The following PRKCE variants were observed in gnomAD, a reference collection of about 807,000 sequenced individuals.
PRKCE encodes protein kinase C epsilon type.
A neutral mutation model predicts 85.4 loss-of-function variants in PRKCE; 16 were observed. The ratio of observed to expected loss-of-function variants is 0.19; its 90% CI spans 0.13 to 0.28. PRKCE has a LOEUF of 0.28. PRKCE is among the 10% of genes least tolerant of loss of function. The probability of loss-of-function intolerance (pLI) is 1.00; values close to 1 mark genes in which losing one functional copy is unlikely to be tolerated. For synonymous variants in PRKCE, 388 were observed against 371.5 expected (o/e 1.04, Z -0.51); for missense variants, 573 against 975.2 (o/e 0.59, Z 5.49).
intron 11 of PRKCE, among the ~76,000 whole-genome samples, chr2:46,114,191 G>A (rs1255777216): frequency 2.0e-5 from 3 of 152,082 alleles, no homozygotes; most frequent in African/African-American, 7.2e-5. Flanking sequence ...TATGTCGAGA[G>A]GCACAGAACT....
At chr2:46,131,868 GTT>G in intron 11 of PRKCE, among the ~76,000 whole-genome samples, 1 of 152,150 alleles carries the variant, frequency 6.6e-6, no homozygotes, top group Non-Finnish European at 1.5e-5. Context: ...CAGGTTTGAG[GTT>G]TACAGTTACT....
intron 11 of PRKCE, among the ~76,000 whole-genome samples, chr2:46,109,132 G>A (rs1296408214): frequency 6.6e-6 from 1 of 152,036 alleles, no homozygotes; most frequent in African/African-American, 2.4e-5. Context: ...GTTAATGTGA[G>A]TCCCCCAACT....
At chr2:45,816,858 G>A (rs904985030) in intron 1 of PRKCE, among the ~76,000 whole-genome samples, 1 of 152,142 alleles carries the variant, frequency 6.6e-6, no homozygotes, top group African/African-American at 2.4e-5. Flanking sequence ...AAGGGGATCG[G>A]CTTAATTCCT....
chr2:45,912,420 C>T (rs867380549), intron 2 of PRKCE, among the ~76,000 whole-genome samples: 8 of 152,118 alleles, frequency 5.3e-5, no homozygotes, highest in South Asian at 2.1e-4. Context: ...GCCATCATCC[C>T]GGGCCTGCTT....
chr2:46,131,984 T>C (rs1674508366), intron 11 of PRKCE, among the ~76,000 whole-genome samples: 1 of 152,062 alleles, frequency 6.6e-6, no homozygotes, highest in African/African-American at 2.4e-5. Flanking sequence ...TTTTTATTAT[T>C]ATTATTTATT....
chr2:45,836,100 T>TGAAGTAGTA (rs1690853635), intron 1 of PRKCE, among the ~76,000 whole-genome samples: 1 of 152,152 alleles, frequency 6.6e-6, no homozygotes. Context: ...TTTAATATAT[T>TGAAGTAGTA]GAAGTAGTAT....
intron 2 of PRKCE, among the ~76,000 whole-genome samples, chr2:45,953,606 G>A (rs896946174): frequency 6.6e-6 from 1 of 152,208 alleles, no homozygotes; most frequent in Admixed American, 6.5e-5. Context: ...GGCTTGATCA[G>A]TGCGGTTGTC....
At chr2:45,758,609 T>C (rs1252916693) in intron 1 of PRKCE, among the ~76,000 whole-genome samples, 1 of 152,194 alleles carries the variant, frequency 6.6e-6, no homozygotes, top group Non-Finnish European at 1.5e-5. Context: ...AGCCACTATA[T>C]TGAAAATTGC....
chr2:45,945,625 C>G (rs1320961505), intron 2 of PRKCE, among the ~76,000 whole-genome samples: 1 of 152,208 alleles, frequency 6.6e-6, no homozygotes, highest in African/African-American at 2.4e-5. Flanking sequence ...GTACCAGGCA[C>G]CATACTAAGT....
intron 1 of PRKCE, among the ~76,000 whole-genome samples, chr2:45,822,207 G>A (rs1328949716): frequency 6.6e-6 from 1 of 152,232 alleles, no homozygotes; most frequent in Non-Finnish European, 1.5e-5. Flanking sequence ...CAGAGACAGG[G>A]AAGCTAAATG....
chr2:46,102,616 T>G (rs1671349288), intron 11 of PRKCE, among the ~76,000 whole-genome samples: 1 of 152,226 alleles, frequency 6.6e-6, no homozygotes, highest in African/African-American at 2.4e-5. Flanking sequence ...TACATTTAGT[T>G]GTCATGTCTC....
At chr2:45,661,523 GTTTTTTGTT>G (rs1415068954) in intron 1 of PRKCE, among the ~76,000 whole-genome samples, 1 of 96,656 alleles carries the variant, frequency 1.0e-5, no homozygotes, top group African/African-American at 3.9e-5. Context: ...TTTGTTTTTT[GTTTTTTGTT>G]TTTTTTTTTT....
intron 1 of PRKCE, among the ~76,000 whole-genome samples, chr2:45,693,687 G>A (rs1055594715): frequency 1.3e-5 from 2 of 152,184 alleles, no homozygotes; most frequent in African/African-American, 4.8e-5. Context: ...GACTGGGGCA[G>A]AATCCAAATT....
At chr2:46,055,732 C>G (rs561629634) in intron 10 of PRKCE, among the ~76,000 whole-genome samples, 1 of 152,068 alleles carries the variant, frequency 6.6e-6, no homozygotes. Context: ...GCAAGATCAC[C>G]GCTCACTGTA....
At chr2:45,871,990 G>T (rs1203685164) in intron 2 of PRKCE, among the ~76,000 whole-genome samples, 2 of 152,166 alleles carry the variant, frequency 1.3e-5, no homozygotes, top group African/African-American at 2.4e-5. Context: ...CCTATGCCAG[G>T]CACCATGGGA....
At chr2:46,169,816 AAGAC>A (rs761929184) in intron 14 of PRKCE, among the ~76,000 whole-genome samples, 2 of 152,136 alleles carry the variant, frequency 1.3e-5, no homozygotes, top group Non-Finnish European at 2.9e-5. Context: ...AATAATTGAG[AAGAC>A]AGTCACCCCA....
At chr2:45,752,899 T>A (rs1683698785) in intron 1 of PRKCE, among the ~76,000 whole-genome samples, 1 of 152,134 alleles carries the variant, frequency 6.6e-6, no homozygotes, top group Non-Finnish European at 1.5e-5. Flanking sequence ...AGAGTTTGCA[T>A]CCTTTGAACT....
intron 10 of PRKCE, among the ~76,000 whole-genome samples, chr2:46,081,191 G>T (rs1669041406): frequency 6.6e-6 from 1 of 151,944 alleles, no homozygotes; most frequent in Non-Finnish European, 1.5e-5. Context: ...CAGGGTCTTG[G>T]TATGTTGTTT....
intron 11 of PRKCE, among the ~76,000 whole-genome samples, chr2:46,112,494 TTTTTTTTTG>T (rs1672364165): frequency 3.6e-5 from 2 of 54,882 alleles, no homozygotes; most frequent in African/African-American, 6.8e-5. Context: ...TTTTTTTGGT[TTTTTTTTTG>T]TTTGTTTGTT....
Sources: allele counts gnomAD v4.1 joint callset (sites outside exome capture counted in the v4.1 genomes callset), GRCh38; gene constraint gnomAD v4.1.1; transcripts MANE v1.5; gene names NCBI Gene and HGNC (gene_info 2026-07-23, HGNC 2026-07-21).